The following L2HGDH variants were observed in gnomAD, a reference collection of about 807,000 sequenced individuals.
L2HGDH encodes the protein L-2-hydroxyglutarate dehydrogenase.
Under a neutral mutation model 51.5 loss-of-function variants are expected in L2HGDH, and 34 were observed. That is an observed-to-expected ratio of 0.66 (90% CI 0.50 to 0.88). The LOEUF is 0.88. Among genes scored for constraint, L2HGDH ranks in the 40% least tolerant of loss-of-function variants. The pLI is 0.00. For synonymous variants in L2HGDH, 198 were observed against 197.9 expected (o/e 1.00, Z -0.01); for missense variants, 558 against 571.9 (o/e 0.98, Z 0.25).
At position 50,269,198 on chromosome 14, in the gene L2HGDH, C is replaced by G; in HGVS notation, c.871G>C (p.Glu291Gln). Residue 291 changes from glutamate to glutamine, a missense_variant, in exon 7 of 10, where the codon GAA (glutamate) becomes CAA (glutamine). Physicochemically the swap from Glu to Gln is conservative, Grantham distance 29. Around this residue, in one of 3 missense-constraint regions of L2HGDH, gnomAD observed 321 missense variants for 311.8 expected, o/e 1.03. Coordinates refer to ENST00000267436, the MANE Select transcript of L2HGDH (RefSeq NM_024884.3). The part of the protein sequence containing the change: ...FRGDYLLLKP[E>Q]KCYLVKGNIY... ...TTTCCTTTTACAAGATAACATTTTT[C>G]TGGCTTCAAAAGCAGGTAATCTCCC... 6.3e-7 allele frequency: 1 copy of G among 1,596,540 alleles called. No homozygotes were observed. The highest frequency in any genetic ancestry group is 1.1e-5 in the South Asian group (1 of 90,840).
intron 3 of L2HGDH, 116 bp from the exon 4 acceptor site, chr14:50,294,362 TA>T: frequency 1.0e-6 from 1 of 984,852 alleles, no homozygotes; most frequent in Non-Finnish European, 1.5e-6. Context: ...GTTAATTTTT[TA>T]AAATTATTTT....
intron 4 of L2HGDH, among the ~76,000 whole-genome samples, chr14:50,285,865 C>G (rs1416630187): frequency 3.3e-5 from 5 of 152,186 alleles, no homozygotes; most frequent in African/African-American, 1.2e-4. Context: ...TTTTCTTTCT[C>G]TTTCTAGTCT....
chr14:50,275,151 CTA>C (rs1213291124), intron 6 of L2HGDH, among the ~76,000 whole-genome samples: 4 of 152,104 alleles, frequency 2.6e-5, no homozygotes, highest in East Asian at 1.9e-4. Flanking sequence ...TAAATGGTAA[CTA>C]TGTGAGGTGG....
chr14:50,291,131 G>A (rs2139184746), intron 4 of L2HGDH, among the ~76,000 whole-genome samples: 1 of 143,898 alleles, frequency 6.9e-6, no homozygotes, highest in Middle Eastern at 3.7e-3. Flanking sequence ...CAGGGAGACG[G>A]AGGTTGCAGT....
intron 9 of L2HGDH, among the ~76,000 whole-genome samples, chr14:50,253,880 A>G (rs1400132180): frequency 6.6e-6 from 1 of 152,190 alleles, no homozygotes; most frequent in African/African-American, 2.4e-5. Flanking sequence ...TGTCATTTGC[A>G]TCAACATGGA....
chr14:50,306,338 C>A (rs144662547), intron 1 of L2HGDH, among the ~76,000 whole-genome samples: 1 of 152,116 alleles, frequency 6.6e-6, no homozygotes, highest in East Asian at 1.9e-4. Flanking sequence ...TGTGAACCAC[C>A]GTGCCCAGCT....
At position 50,273,622 on chromosome 14, in the gene L2HGDH, A is replaced by C. The variant is rs150219675; in HGVS notation, c.739-4292T>G. ...AAAAATAAACAAGTGGGACTATATC[A>C]AACTAAAAAGCTTCTGCACAGCAAA... is the stretch of plus-strand genomic sequence containing the variant. On this transcript the variant is annotated intron_variant, in intron 6 of 9. Coordinates refer to ENST00000267436, the MANE Select transcript of L2HGDH (RefSeq NM_024884.3). Among the ~76,000 whole-genome samples the C allele has an allele frequency of 7.7e-3, 1,169 of 152,284 alleles. 7 individuals are homozygous for C. The highest frequency in any genetic ancestry group is 0.013 in the Non-Finnish European group (913 of 68,014).
At position 50,281,930 on chromosome 14, in the gene L2HGDH, T is replaced by C. The variant is rs559141239; in HGVS notation, c.703+1941A>G. Among the ~76,000 whole-genome samples, 3 of 152,220 alleles carry C rather than the reference T, an allele frequency of 2.0e-5. No individual in the cohort carries two copies. In the South Asian group the frequency reaches 6.2e-4, roughly 32 times the overall value. ...ATCTCAGCTCACCGTAACCTCCACC[T>C]CCCGGGTTCAAGCTATTCTCCTGCC... On this transcript the variant is annotated intron_variant, in intron 5 of 9. Coordinates refer to ENST00000267436, the MANE Select transcript of L2HGDH (RefSeq NM_024884.3).
chr14:50,251,611 T>C (rs566798297), intron 9 of L2HGDH, among the ~76,000 whole-genome samples: 61 of 152,060 alleles, frequency 4.0e-4, no homozygotes, highest in African/African-American at 1.4e-3. Flanking sequence ...AAGAAAGAAT[T>C]CTAAAAGCAG....
At chr14:50,250,254 G>A (rs1164891597) in intron 9 of L2HGDH, among the ~76,000 whole-genome samples, 1 of 152,166 alleles carries the variant, frequency 6.6e-6, no homozygotes, top group Non-Finnish European at 1.5e-5. Context: ...CCAGAGGGGA[G>A]CCCACTGCCC....
At chr14:50,282,824 T>C (rs76178303) in intron 5 of L2HGDH, among the ~76,000 whole-genome samples, 1 of 152,032 alleles carries the variant, frequency 6.6e-6, no homozygotes, top group African/African-American at 2.4e-5. Flanking sequence ...GCAGATCACT[T>C]GAGTCCAGGA....
At position 50,266,916 on chromosome 14, in the gene L2HGDH, A is replaced by T. The variant is rs532176717; in HGVS notation, c.1064+837T>A. 8.1e-4 allele frequency among the ~76,000 whole-genome samples: 123 copies of T among 152,282 alleles called. 3 individuals carry two copies. The South Asian group carries it at 0.024, about 30-fold the overall frequency. ...TAAAGAATCTGCATCTTAGGTCAAC[A>T]CAATCGTATTGTTAGTTTCCTACAC... On this transcript the variant is annotated intron_variant, in intron 8 of 9. Coordinates refer to ENST00000267436, the MANE Select transcript of L2HGDH (RefSeq NM_024884.3).
In L2HGDH at chr14:50,243,413, C is replaced by A; in HGVS notation, c.*3645G>T. 1 of 971,814 alleles carries A rather than the reference C, an allele frequency of 1.0e-6. No individual in the cohort carries two copies. Among genetic ancestry groups the A allele is most frequent in the South Asian group, 4.8e-5 (1 of 20,964 alleles). 60.2% of individuals were successfully genotyped at this position (971,814 alleles called of 1,614,324 possible). ...TCTAAAGCAAACAGTTTATGTTTTA[C>A]ACATAAAAAAATTTATTTGCATAAA... On this transcript the variant is annotated 3_prime_UTR_variant, in exon 10 of 10. Coordinates refer to ENST00000267436, the MANE Select transcript of L2HGDH (RefSeq NM_024884.3).
Position 50,242,567 on chromosome 14 carries a change from C to T in L2HGDH, c.*4491G>A, listed in dbSNP as rs1375187254. 1.0e-6 allele frequency: 1 copy of T among 984,848 alleles called. No homozygotes were observed. Among genetic ancestry groups the T allele is most frequent in the Non-Finnish European group, 1.2e-6 (1 of 829,510 alleles). The allele number at this position is 984,848 out of a possible 1,614,324, so 61.0% of individuals were successfully genotyped here. On this transcript the variant is annotated 3_prime_UTR_variant, in exon 10 of 10. Coordinates refer to ENST00000267436, the MANE Select transcript of L2HGDH (RefSeq NM_024884.3). The stretch of plus-strand genomic sequence containing the variant: ...CCAGAAAAGTAGAGTTGGTTGGTAT[C>T]AACACTGTTCTTCCCTTCAGGGCTT...
intron 9 of L2HGDH, among the ~76,000 whole-genome samples, chr14:50,255,336 A>T (rs1421176673): frequency 6.6e-6 from 1 of 151,930 alleles, no homozygotes; most frequent in Non-Finnish European, 1.5e-5. Context: ...GGAGTTCAAG[A>T]TCAGCCTGGC....
intron 9 of L2HGDH, among the ~76,000 whole-genome samples, chr14:50,263,835 G>A (rs569743333): frequency 1.3e-5 from 2 of 150,478 alleles, no homozygotes; most frequent in South Asian, 4.2e-4. Context: ...GAGTGCAATG[G>A]TGTGATCTTG....
In L2HGDH at chr14:50,246,756, C is replaced by G. The variant is rs183023998; in HGVS notation, c.*302G>C. The G allele has an allele frequency of 2.9e-3, 687 of 239,746 alleles. 2 individuals are homozygous for G. The highest frequency in any genetic ancestry group is 4.5e-3 in the Non-Finnish European group (565 of 124,590). 14.9% of individuals were successfully genotyped at this position (239,746 alleles called of 1,614,324 possible). On this transcript the variant is annotated 3_prime_UTR_variant, in exon 10 of 10. Transcript: ENST00000267436. ...TTATTATTATTATTATTTTCTTGCTCTGTCACCCAGGCTGGAGTGCAGTGG... is the reference window on the plus strand; with the variant it reads ...TTATTATTATTATTATTTTCTTGCTGTGTCACCCAGGCTGGAGTGCAGTGG...
chr14:50,259,981 A>C (rs1888920907), intron 9 of L2HGDH, among the ~76,000 whole-genome samples: 1 of 126,042 alleles, frequency 7.9e-6, no homozygotes, highest in South Asian at 2.4e-4. Flanking sequence ...GAGAGAGAAG[A>C]AGACAGAGAG....
At position 50,282,608 on chromosome 14, in the gene L2HGDH, G is replaced by A. The variant is rs1243820143; in HGVS notation, c.703+1263C>T. 25 of 432,954 alleles carry A rather than the reference G, an allele frequency of 5.8e-5. 2 individuals carry two copies. The Admixed American group carries it at 5.8e-4, about 10-fold the overall frequency. 26.8% of individuals were successfully genotyped at this position (432,954 alleles called of 1,614,324 possible). The stretch of plus-strand genomic sequence containing the variant: ...ATCCAAACCCCACCACTCACTACTT[G>A]TACAACCATGGCCAAGTTTCTTACT... On this transcript the variant is annotated intron_variant, in intron 5 of 9. Transcript: ENST00000267436.
Sources: gnomAD v4.1 joint callset for allele counts (sites outside exome capture counted in the v4.1 genomes callset) on GRCh38, gnomAD v4.1.1 for gene constraint, gnomAD v4.1.1 regional missense constraint, MANE v1.5 for transcripts, NCBI Gene and HGNC (gene_info 2026-07-23, HGNC 2026-07-21) for gene names.